Variants in MYLK observed in about 807,000 individuals in gnomAD.
MYLK encodes myosin light chain kinase, smooth muscle.
Under a neutral mutation model 203.4 loss-of-function variants are expected in MYLK, and 106 were observed. The observed-to-expected ratio is 0.52, with a 90% CI of 0.45 to 0.61. The LOEUF (loss-of-function observed/expected upper bound fraction) is 0.61, where lower values mean the gene tolerates loss of function less well. Among genes scored for constraint, MYLK ranks in the 20% least tolerant of loss-of-function variants. The pLI is 0.00. For synonymous variants in MYLK, 867 were observed against 959.5 expected (o/e 0.90, Z 1.78); for missense variants, 2,072 against 2,442.3 (o/e 0.85, Z 3.20).
intron 21 of MYLK, 27 bp from the exon 22 acceptor site, chr3:123,666,373 C>G (rs770208529): frequency 1.2e-6 from 2 of 1,614,050 alleles, no homozygotes; most frequent in South Asian, 2.2e-5. Flanking sequence ...AGAAAGTGAG[C>G]GAGGCAGAAG....
In MYLK at chr3:123,761,888, A is replaced by G. The variant is rs2063546712; in HGVS notation, c.166-9350T>C. On this transcript the variant is annotated intron_variant, in intron 4 of 33. Coordinates refer to ENST00000360304, the MANE Select transcript of MYLK (RefSeq NM_053025.4). ...TAAAAATACAAAAAATCAGCTGGGCATGGTGGCGGGCACCTGTAATCCCAG... is the reference window on the plus strand; with the variant it reads ...TAAAAATACAAAAAATCAGCTGGGCGTGGTGGCGGGCACCTGTAATCCCAG... 2.0e-5 allele frequency among the ~76,000 whole-genome samples: 3 copies of G among 152,172 alleles called. 1 individual carries two copies. The South Asian group carries it at 6.2e-4, about 32-fold the overall frequency.
chr3:123,874,112 T>C (rs1051158072), intron 2 of MYLK, among the ~76,000 whole-genome samples: 7 of 152,114 alleles, frequency 4.6e-5, no homozygotes, highest in African/African-American at 1.7e-4. Flanking sequence ...CCAACAGACT[T>C]CCATCAGGAA....
chr3:123,638,954 T>C, intron 28 of MYLK: 2 of 985,440 alleles, frequency 2.0e-6, no homozygotes, highest in Non-Finnish European at 2.4e-6. Context: ...AAACAAAGCA[T>C]TTAACAGCCC....
chr3:123,786,538 G>T (rs558248408), intron 4 of MYLK, among the ~76,000 whole-genome samples: 1 of 130,884 alleles, frequency 7.6e-6, no homozygotes, highest in Non-Finnish European at 1.6e-5. Flanking sequence ...GGGGGAGGAG[G>T]GGGGGATGGC....
intron 20 of MYLK, among the ~76,000 whole-genome samples, chr3:123,673,733 GTC>G (rs1171903077): frequency 3.3e-5 from 5 of 152,132 alleles, no homozygotes; most frequent in South Asian, 2.1e-4. Context: ...TCAGCCCTGT[GTC>G]TCTCATCCTC....
At chr3:123,701,897 C>T (rs1307614379) in intron 16 of MYLK, among the ~76,000 whole-genome samples, 1 of 152,172 alleles carries the variant, frequency 6.6e-6, no homozygotes, top group Non-Finnish European at 1.5e-5. Flanking sequence ...ACAGATAGGC[C>T]CTGGTGGTGG....
At chr3:123,763,819 G>A (rs1385526083) in intron 4 of MYLK, among the ~76,000 whole-genome samples, 5 of 152,174 alleles carry the variant, frequency 3.3e-5, no homozygotes. Flanking sequence ...CAGACCGTTG[G>A]TAGATATTTT....
chr3:123,879,099 A>G (rs1367668619), intron 1 of MYLK, among the ~76,000 whole-genome samples: 2 of 152,216 alleles, frequency 1.3e-5, no homozygotes, highest in East Asian at 3.8e-4. Context: ...GAGCTACAAT[A>G]TATGAGGCAT....
chr3:123,644,476 AC>A (rs2058944559), intron 27 of MYLK: 1 of 152,212 alleles, frequency 6.6e-6, no homozygotes, highest in African/African-American at 2.4e-5. Context: ...AAGCTTTCTT[AC>A]ATTTTCTCTT....
chr3:123,815,318 A>G (rs777407592), intron 3 of MYLK, among the ~76,000 whole-genome samples: 1 of 152,194 alleles, frequency 6.6e-6, no homozygotes. Context: ...TCAGGCAAGT[A>G]TCAGGTCCAG....
chr3:123,666,310 T>C lies in MYLK; in HGVS notation c.3740A>G (p.Gln1247Arg). ...PPQIIQFPED[Q>R]KVRAGESVEL... ...CACTGACTCTCCTGCGCGTACCTTC[T>C]GGTCCTCAGGGAACTGGATGATCTG... is the stretch of plus-strand genomic sequence containing the variant. Residue 1247 changes from glutamine (Q) to arginine (R), a missense_variant, in exon 22 of 34, where the codon CAG (glutamine) becomes CGG (arginine). Transcript: ENST00000360304. 6.2e-7 allele frequency: 1 copy of C among 1,614,226 alleles called. No homozygotes were observed. Among genetic ancestry groups the C allele is most frequent in the East Asian group, 2.2e-5 (1 of 44,890 alleles).
At position 123,825,438 on chromosome 3, in the gene MYLK, C is replaced by T. The variant is rs145524451; in HGVS notation, c.-4+6110G>A. ...GAAAAGATAAGCAGAAGATCCCCAC[C>T]GGTCCCCACTGGCATTGCAAACACC... On this transcript the variant is annotated intron_variant, in intron 3 of 33. Transcript: ENST00000360304. 3.1e-3 allele frequency among the ~76,000 whole-genome samples: 469 copies of T among 152,282 alleles called. 2 individuals carry two copies. The highest frequency in any genetic ancestry group is 0.01 in the African/African-American group (425 of 41,558).
chr3:123,651,435 T>G (rs2059207664), intron 24 of MYLK, among the ~76,000 whole-genome samples: 1 of 152,226 alleles, frequency 6.6e-6, no homozygotes, highest in Admixed American at 6.5e-5. Flanking sequence ...GTCACTGGAC[T>G]AGGTCTTCGA....
chr3:123,807,492 T>C (rs1287928860), intron 3 of MYLK, among the ~76,000 whole-genome samples: 2 of 152,024 alleles, frequency 1.3e-5, no homozygotes, highest in African/African-American at 2.4e-5. Context: ...CAACAGGAAA[T>C]TTCCAGTGTA....
At chr3:123,638,332 GAC>G (rs1351208565) in intron 28 of MYLK, 138 bp from the exon 29 acceptor site, 6 of 1,246,838 alleles carry the variant, frequency 4.8e-6, no homozygotes, top group Non-Finnish European at 6.9e-6. Flanking sequence ...CAGGCACAGA[GAC>G]ATCTGACCTC....
chr3:123,701,417 G>T, intron 17 of MYLK, 21 bp downstream of exon 17: 1 of 1,613,388 alleles, frequency 6.2e-7, no homozygotes, highest in Non-Finnish European at 8.5e-7. Context: ...GCCTGGAGGG[G>T]CAGCTCCTGG....
Position 123,734,235 on chromosome 3 carries a change from G to T in MYLK, c.774-13C>A. 1.4e-6 allele frequency: 2 copies of T among 1,396,624 alleles called. No individual in the cohort carries two copies. The highest frequency in any genetic ancestry group is 1.9e-6 in the Non-Finnish European group (2 of 1,049,868). The allele number at this position is 1,396,624 out of a possible 1,614,324, so 86.5% of individuals were successfully genotyped here. A position where few individuals can be genotyped will look rare whatever the true frequency, so the allele number is the denominator to read the frequency against. On this transcript the variant is annotated splice_polypyrimidine_tract_variant and intron_variant, in intron 9 of 33. Transcript: ENST00000360304. Reference sequence around the variant, plus strand: ...TCTCACAAATGACCTGTGTGGTGGTGAGGGTGGGGGTAGGGTGGGTGAGGA... The same window carrying T: ...TCTCACAAATGACCTGTGTGGTGGTTAGGGTGGGGGTAGGGTGGGTGAGGA...
chr3:123,833,394 T>TAGTTCCTTA (rs1227496695), intron 2 of MYLK, among the ~76,000 whole-genome samples: 16 of 152,188 alleles, frequency 1.1e-4, no homozygotes, highest in Admixed American at 1.0e-3. Context: ...TATTGCTTCT[T>TAGTTCCTTA]AGTTCCTTAA....
At chr3:123,828,663 T>G (rs1295012079) in intron 3 of MYLK, among the ~76,000 whole-genome samples, 3 of 151,810 alleles carry the variant, frequency 2.0e-5, no homozygotes, top group African/African-American at 7.3e-5. Context: ...AAACAAATAG[T>G]GAAAAAACCT....
Sources: gnomAD v4.1 joint callset for allele counts (sites outside exome capture counted in the v4.1 genomes callset) on GRCh38, gnomAD v4.1.1 for gene constraint, MANE v1.5 for transcripts, NCBI Gene and HGNC (gene_info 2026-07-23, HGNC 2026-07-21) for gene names.